The following SFXN5 variants were observed in gnomAD, a reference collection of about 807,000 sequenced individuals.
SFXN5 encodes the protein sideroflexin 5, also known as sideroflexin-5.
SFXN5 carries 43 observed loss-of-function variants against 50.2 expected under a neutral mutation model. The ratio of observed to expected loss-of-function variants is 0.86; its 90% CI spans 0.67 to 1.11. SFXN5 has a LOEUF of 1.11. Among genes scored for constraint, SFXN5 ranks in the 50% least tolerant of loss-of-function variants. The pLI is 0.00. For missense variants in SFXN5, 463 were observed against 454.1 expected (o/e 1.02, Z -0.18); for synonymous variants, 203 against 185.8 (o/e 1.09, Z -0.75).
chr2:73,071,543 G>T, intron 1 of SFXN5, 61 bp downstream of exon 1: 3 of 1,497,046 alleles, frequency 2.0e-6, no homozygotes, highest in Non-Finnish European at 2.7e-6. Flanking sequence ...GACTTTGGAG[G>T]GGAGTTTGCT....
chr2:72,973,871 G>T lies in SFXN5; in HGVS notation c.626-2186C>A, dbSNP rs549827360. Among the ~76,000 whole-genome samples, 190 of 152,304 alleles carry T rather than the reference G, an allele frequency of 1.2e-3. 1 individual carries two copies. The highest frequency in any genetic ancestry group is 4.4e-3 in the African/African-American group (184 of 41,550). On this transcript the variant is annotated intron_variant, in intron 10 of 13. Coordinates refer to ENST00000272433, the MANE Select transcript of SFXN5 (RefSeq NM_144579.3). This position sits in a 1 kb window ranked among gnomAD's most constrained non-coding sequence, Gnocchi z 5.5. ...GGTTCCCAGGAGACCTAAGAAAACC[G>T]TTGAGAGGACAGTGGGGTTTTCTGC... is the stretch of plus-strand genomic sequence containing the variant.
At chr2:73,042,003 G>A (rs1456718284) in intron 2 of SFXN5, among the ~76,000 whole-genome samples, 1 of 152,082 alleles carries the variant, frequency 6.6e-6, no homozygotes, top group Admixed American at 6.6e-5. Flanking sequence ...GCCCGGCCAG[G>A]AGAACATATT....
chr2:73,026,383 G>T (rs371498714), intron 3 of SFXN5, among the ~76,000 whole-genome samples: 1 of 151,246 alleles, frequency 6.6e-6, no homozygotes, highest in African/African-American at 2.4e-5. Context: ...CACTTGCCTC[G>T]GCCTCCCAAA....
At chr2:72,946,816 C>T (rs1312563503) in intron 13 of SFXN5, among the ~76,000 whole-genome samples, 5 of 152,220 alleles carry the variant, frequency 3.3e-5, no homozygotes, top group Admixed American at 3.3e-4. Flanking sequence ...TGCAAGTCTT[C>T]CCATGCCTCT....
Position 72,961,109 on chromosome 2 carries a change from C to G in SFXN5, c.945+22G>C. 6.6e-7 allele frequency: 1 copy of G among 1,513,838 alleles called. No homozygotes were observed. The allele number at this position is 1,513,838 out of a possible 1,614,324, so 93.8% of individuals were successfully genotyped here. A position where few individuals can be genotyped will look rare whatever the true frequency, so the allele number is the denominator to read the frequency against. On this transcript the variant is annotated intron_variant, in intron 13 of 13. Transcript: ENST00000272433. This position sits in a 1 kb window ranked among gnomAD's most constrained non-coding sequence, Gnocchi z 4.4. ...AACAGCACCCCCTGCCCTGCCCTGC[C>G]CTTGAGCCCCTCCCCACTGACCTCT...
intron 6 of SFXN5, among the ~76,000 whole-genome samples, chr2:73,017,344 A>G (rs1676295311): frequency 6.6e-6 from 1 of 152,190 alleles, no homozygotes; most frequent in East Asian, 1.9e-4. Context: ...CCCTCTCCTA[A>G]ATATCAAAAA....
chr2:73,037,045 A>C (rs926576095), intron 3 of SFXN5, among the ~76,000 whole-genome samples: 1 of 152,216 alleles, frequency 6.6e-6, no homozygotes, highest in African/African-American at 2.4e-5. Context: ...GCTTCCGCTC[A>C]TGCATTTGCC....
At chr2:73,017,279 G>A (rs559934438) in intron 6 of SFXN5, among the ~76,000 whole-genome samples, 97 of 152,206 alleles carry the variant, frequency 6.4e-4, no homozygotes, top group African/African-American at 1.9e-3. Context: ...GATAGGAAGC[G>A]GAGTGGAACT....
chr2:72,965,889 C>T (rs1674335221), intron 12 of SFXN5, among the ~76,000 whole-genome samples: 1 of 152,178 alleles, frequency 6.6e-6, no homozygotes, highest in Non-Finnish European at 1.5e-5. Context: ...CTTCACACCC[C>T]GCCCCCCGCC....
At position 72,992,466 on chromosome 2, in the gene SFXN5, T is replaced by C. The variant is rs1465023823; in HGVS notation, c.535-4118A>G. On this transcript the variant is annotated intron_variant, in intron 9 of 13. Coordinates refer to ENST00000272433, the MANE Select transcript of SFXN5 (RefSeq NM_144579.3). This position sits in a 1 kb window ranked among gnomAD's most constrained non-coding sequence, Gnocchi z 4.5. ...GAATATCCATTGCCTGGAGGATGCCTCTGTGTCCAAGGGCTCTAGGCACTC... is the reference window on the plus strand; with the variant it reads ...GAATATCCATTGCCTGGAGGATGCCCCTGTGTCCAAGGGCTCTAGGCACTC... Among the ~76,000 whole-genome samples, 1 of 152,124 alleles carries C rather than the reference T, an allele frequency of 6.6e-6. No individual in the cohort carries two copies. Among genetic ancestry groups the C allele is most frequent in the African/African-American group, 2.4e-5 (1 of 41,426 alleles).
chr2:72,974,860 A>AT (rs1043685481), intron 10 of SFXN5, among the ~76,000 whole-genome samples: 4 of 151,866 alleles, frequency 2.6e-5, no homozygotes, highest in South Asian at 2.1e-4. Context: ...AGAGAGAAAA[A>AT]AAAAAAAACA....
intron 12 of SFXN5, among the ~76,000 whole-genome samples, chr2:72,962,323 C>T (rs1004695134): frequency 2.6e-5 from 4 of 152,210 alleles, no homozygotes; most frequent in Non-Finnish European, 5.9e-5. Context: ...GGTAAGGGGC[C>T]CTCCTAGGGG....
chr2:73,037,001 A>C (rs1332333578), intron 3 of SFXN5, among the ~76,000 whole-genome samples: 1 of 152,220 alleles, frequency 6.6e-6, no homozygotes, highest in Non-Finnish European at 1.5e-5. Flanking sequence ...TCACTCTCCC[A>C]GGGCCCTGCA....
intron 2 of SFXN5, among the ~76,000 whole-genome samples, chr2:73,048,731 G>C (rs1680839221): frequency 6.6e-6 from 1 of 152,140 alleles, no homozygotes; most frequent in Non-Finnish European, 1.5e-5. Context: ...GCTAAAAGGT[G>C]TCCACTATTA....
At chr2:73,034,195 CTGA>C (rs1678674971) in intron 3 of SFXN5, among the ~76,000 whole-genome samples, 1 of 152,210 alleles carries the variant, frequency 6.6e-6, no homozygotes, top group Non-Finnish European at 1.5e-5. Context: ...TCACCTCCTA[CTGA>C]TCACTTGCCT....
chr2:72,960,775 G>A lies in SFXN5; in HGVS notation c.945+356C>T, dbSNP rs762408922. Among the ~76,000 whole-genome samples the A allele has an allele frequency of 1.7e-4, 26 of 152,030 alleles. No individual in the cohort carries two copies. Among genetic ancestry groups the A allele is most frequent in the African/African-American group, 6.0e-4 (25 of 41,370 alleles). On this transcript the variant is annotated intron_variant, in intron 13 of 13. Coordinates refer to ENST00000272433, the MANE Select transcript of SFXN5 (RefSeq NM_144579.3). The surrounding 1 kb of genome is among the most constrained non-coding windows in gnomAD (Gnocchi z 6.1). ...CAGAACCTTCACACCAGGTGTCCGC[G>A]GACCTCACATCTCCCCCCGCCACCC...
intron 11 of SFXN5, among the ~76,000 whole-genome samples, chr2:72,970,480 G>A (rs1265441962): frequency 1.3e-5 from 2 of 152,168 alleles, no homozygotes; most frequent in Admixed American, 6.5e-5. Flanking sequence ...CATGACTGGG[G>A]TAAGGCTTGG....
chr2:73,069,796 A>G (rs1172353357), intron 1 of SFXN5, among the ~76,000 whole-genome samples: 3 of 152,144 alleles, frequency 2.0e-5, no homozygotes, highest in African/African-American at 7.2e-5. Flanking sequence ...CCACATACAG[A>G]TAACAGACAC....
intron 3 of SFXN5, among the ~76,000 whole-genome samples, chr2:73,040,624 G>A (rs1679497818): frequency 6.6e-6 from 1 of 152,230 alleles, no homozygotes; most frequent in African/African-American, 2.4e-5. Flanking sequence ...GCTTCAGCAA[G>A]CCTTTGGCCT....
Sources: gnomAD v4.1 joint callset for allele counts (sites outside exome capture counted in the v4.1 genomes callset) on GRCh38, gnomAD v4.1.1 for gene constraint, Gnocchi (gnomAD v3.1) non-coding constraint, MANE v1.5 for transcripts, NCBI Gene and HGNC (gene_info 2026-07-23, HGNC 2026-07-21) for gene names.